The following LRFN2 variants were observed in gnomAD, a reference collection of about 807,000 sequenced individuals.
LRFN2 encodes leucine-rich repeat and fibronectin type-III domain-containing protein 2.
A neutral mutation model predicts 37.3 loss-of-function variants in LRFN2; 18 were observed. The observed-to-expected ratio is 0.48, with a 90% CI of 0.33 to 0.72. The LOEUF is 0.72. LRFN2 is among the 30% of genes least tolerant of loss of function. The pLI, the probability that LRFN2 is intolerant of heterozygous loss-of-function variation, is 0.02. For synonymous variants in LRFN2, 556 were observed against 466.6 expected (o/e 1.19, Z -2.47); for missense variants, 1,006 against 1,060.7 (o/e 0.95, Z 0.72).
intron 1 of LRFN2, among the ~76,000 whole-genome samples, chr6:40,527,421 C>T (rs1296355449): frequency 6.6e-6 from 1 of 152,192 alleles, no homozygotes; most frequent in Non-Finnish European, 1.5e-5. Context: ...CACAGTGAGA[C>T]AAGATATTTA....
intron 1 of LRFN2, among the ~76,000 whole-genome samples, chr6:40,545,684 C>G (rs1467554012): frequency 6.6e-6 from 1 of 151,504 alleles, no homozygotes; most frequent in Non-Finnish European, 1.5e-5. Context: ...GAAAGTGGGA[C>G]AGGGAAAGAG....
At chr6:40,422,856 G>A (rs1763260422) in intron 2 of LRFN2, among the ~76,000 whole-genome samples, 1 of 152,150 alleles carries the variant, frequency 6.6e-6, no homozygotes, top group South Asian at 2.1e-4. Context: ...TTACTGGAGG[G>A]GGAAAAAGCT....
chr6:40,482,045 A>G (rs1367937082), intron 1 of LRFN2, among the ~76,000 whole-genome samples: 5 of 152,228 alleles, frequency 3.3e-5, no homozygotes, highest in African/African-American at 1.2e-4. Flanking sequence ...AGCTTGCCCA[A>G]GCAGCTAGAA....
chr6:40,561,697 G>C (rs1392807987), intron 1 of LRFN2, among the ~76,000 whole-genome samples: 4 of 152,188 alleles, frequency 2.6e-5, no homozygotes, highest in Non-Finnish European at 4.4e-5. Context: ...AAAAGCAAGG[G>C]AGGCACAGCC....
chr6:40,495,380 C>T (rs1765201529), intron 1 of LRFN2, among the ~76,000 whole-genome samples: 1 of 152,198 alleles, frequency 6.6e-6, no homozygotes, highest in Non-Finnish European at 1.5e-5. Context: ...TTGGCTTCCT[C>T]TATGACCCTG....
chr6:40,541,801 C>T (rs1465786165), intron 1 of LRFN2, among the ~76,000 whole-genome samples: 1 of 152,232 alleles, frequency 6.6e-6, no homozygotes. Flanking sequence ...TCTGCCAGGG[C>T]AGCCACAGCC....
intron 2 of LRFN2, among the ~76,000 whole-genome samples, chr6:40,430,915 C>G (rs1365104122): frequency 1.3e-5 from 2 of 152,064 alleles, no homozygotes; most frequent in Non-Finnish European, 2.9e-5. Flanking sequence ...CTTAGAGGAC[C>G]CAGCAGAGGT....
chr6:40,449,548 G>A (rs1296562398), intron 1 of LRFN2, among the ~76,000 whole-genome samples: 1 of 152,202 alleles, frequency 6.6e-6, no homozygotes, highest in Non-Finnish European at 1.5e-5. Flanking sequence ...GATGGGGTGG[G>A]TAGAGCTTGA....
intron 1 of LRFN2, among the ~76,000 whole-genome samples, chr6:40,579,801 G>A (rs1277333371): frequency 6.6e-6 from 1 of 152,148 alleles, no homozygotes; most frequent in Non-Finnish European, 1.5e-5. Flanking sequence ...GGATTGGAGA[G>A]GTAATTCACC....
chr6:40,435,353 T>C (rs947834166), intron 1 of LRFN2, among the ~76,000 whole-genome samples: 1 of 151,600 alleles, frequency 6.6e-6, no homozygotes, highest in Non-Finnish European at 1.5e-5. Flanking sequence ...TAGAGTCAGA[T>C]TTTGCTATGT....
chr6:40,412,302 CA>C (rs1454331662), intron 2 of LRFN2, among the ~76,000 whole-genome samples: 1 of 152,160 alleles, frequency 6.6e-6, no homozygotes, highest in African/African-American at 2.4e-5. Context: ...TCAAGGAACT[CA>C]TATTTTGAGG....
intron 1 of LRFN2, among the ~76,000 whole-genome samples, chr6:40,465,686 T>G (rs1581726779): frequency 6.6e-6 from 1 of 152,278 alleles, no homozygotes; most frequent in African/African-American, 2.4e-5. Context: ...AGCTTCAGGA[T>G]CCTTGAACAA....
At chr6:40,415,184 G>A (rs1032043189) in intron 2 of LRFN2, among the ~76,000 whole-genome samples, 3 of 151,758 alleles carry the variant, frequency 2.0e-5, no homozygotes, top group Non-Finnish European at 2.9e-5. Flanking sequence ...GTGCCTCCTC[G>A]CTGATTGAGC....
intron 1 of LRFN2, among the ~76,000 whole-genome samples, chr6:40,521,569 A>G (rs1766069425): frequency 6.6e-6 from 1 of 152,248 alleles, no homozygotes; most frequent in African/African-American, 2.4e-5. Flanking sequence ...GTCGGATTTT[A>G]TACATATAAT....
rs1302881735 is a variant in LRFN2, at chr6:40,438,470, T to C, written c.-18-5339A>G. Among the ~76,000 whole-genome samples, 3 of 152,118 alleles carry C rather than the reference T, an allele frequency of 2.0e-5. No individual in the cohort carries two copies. In the East Asian group the frequency reaches 5.8e-4, roughly 29 times the overall value. ...TACCTTGTGGCCCTGAATATTGTCA[T>C]CCCCATTTTAGCTACTAGGAAGTGA... On this transcript the variant is annotated intron_variant, in intron 1 of 2. Transcript: ENST00000338305.
chr6:40,432,440 G>A lies in LRFN2; in HGVS notation c.674C>T (p.Ala225Val). The change falls in exon 2 of 3, where the codon GCT becomes GTT. Residue 225 changes from alanine to valine, a missense_variant. Around this residue, in one of 4 missense-constraint regions of LRFN2, gnomAD observed 303 missense variants for 299.8 expected, o/e 1.01. Coordinates refer to ENST00000338305, the MANE Select transcript of LRFN2 (RefSeq NM_020737.3). ...TGGGGCAAAGGGTGTGGCTGTCAAA[G>A]CCGAAGCCTGGGAGCGGGCAAAGAT... is the stretch of plus-strand genomic sequence containing the variant. ...DPIFARSQAS[A>V]LTATPFAPPL... 6.2e-7 allele frequency: 1 copy of A among 1,614,200 alleles called. No individual in the cohort carries two copies. The highest frequency in any genetic ancestry group is 8.5e-7 in the Non-Finnish European group (1 of 1,180,046).
At chr6:40,491,584 A>C in intron 1 of LRFN2, among the ~76,000 whole-genome samples, 1 of 129,936 alleles carries the variant, frequency 7.7e-6, no homozygotes, top group Admixed American at 8.1e-5. Flanking sequence ...CCCTCACTCT[A>C]TTTTGCCGTG....
At chr6:40,438,567 C>G (rs142908234) in intron 1 of LRFN2, among the ~76,000 whole-genome samples, 1 of 152,198 alleles carries the variant, frequency 6.6e-6, no homozygotes, top group African/African-American at 2.4e-5. Context: ...AAATGGAGAT[C>G]GTCTGGCTCC....
chr6:40,413,494 C>T (rs1763018792), intron 2 of LRFN2, among the ~76,000 whole-genome samples: 1 of 152,198 alleles, frequency 6.6e-6, no homozygotes, highest in Non-Finnish European at 1.5e-5. Flanking sequence ...CTTCCCCAGG[C>T]CTGTGCTGTC....
Sources: gnomAD v4.1 joint callset for allele counts (sites outside exome capture counted in the v4.1 genomes callset) on GRCh38, gnomAD v4.1.1 for gene constraint, gnomAD v4.1.1 regional missense constraint, MANE v1.5 for transcripts, NCBI Gene and HGNC (gene_info 2026-07-23, HGNC 2026-07-21) for gene names.